The following ZNF385D variants were observed in gnomAD, a reference collection of about 807,000 sequenced individuals.
The protein encoded by ZNF385D is zinc finger protein 385D.
ZNF385D carries 15 observed loss-of-function variants against 35.8 expected under a neutral mutation model. The ratio of observed to expected loss-of-function variants is 0.42; its 90% CI spans 0.28 to 0.64. ZNF385D has a LOEUF of 0.64. Ranked by LOEUF, ZNF385D falls within the 30% of genes least tolerant of loss-of-function variation. The pLI is 0.23. For synonymous variants in ZNF385D, 212 were observed against 186.8 expected (o/e 1.13, Z -1.10); for missense variants, 474 against 494.6 (o/e 0.96, Z 0.39).
chr3:21,592,677 C>A lies in ZNF385D; in HGVS notation c.166-27993G>T, dbSNP rs144673179. ...TTTGCTCAAACTCCCATTCTCAAAT[C>A]AGATCGTTTAGAGGAGAAAGGAATG... On this transcript the variant is annotated intron_variant, in intron 2 of 7. Coordinates refer to ENST00000281523, the MANE Select transcript of ZNF385D (RefSeq NM_024697.3). Among the ~76,000 whole-genome samples, 572 of 152,138 alleles carry A rather than the reference C, an allele frequency of 3.8e-3. 6 individuals are homozygous for A. Among genetic ancestry groups the A allele is most frequent in the African/African-American group, 0.013 (524 of 41,516 alleles).
At chr3:22,349,474 C>T (rs1053479715) in intron 2 of ZNF385D, among the ~76,000 whole-genome samples, 1 of 152,104 alleles carries the variant, frequency 6.6e-6, no homozygotes, top group African/African-American at 2.4e-5. Flanking sequence ...TAAATGTACA[C>T]TGGTGATATC....
At chr3:21,839,560 A>G (rs1559677510) in intron 3 of ZNF385D, among the ~76,000 whole-genome samples, 4 of 152,140 alleles carry the variant, frequency 2.6e-5, no homozygotes, top group African/African-American at 9.7e-5. Flanking sequence ...AAGAGAGGCT[A>G]GCTTTTTCTA....
intron 3 of ZNF385D, among the ~76,000 whole-genome samples, chr3:21,548,789 T>G (rs1458061562): frequency 4.6e-5 from 7 of 152,182 alleles, no homozygotes; most frequent in Non-Finnish European, 1.5e-5. Flanking sequence ...CTAGGGCATG[T>G]CCCCTGATAT....
chr3:21,787,991 G>GAC (rs2071771893), intron 3 of ZNF385D, among the ~76,000 whole-genome samples: 4 of 122,182 alleles, frequency 3.3e-5, no homozygotes, highest in Admixed American at 8.9e-5. Context: ...AAGAGAGAGA[G>GAC]AGAGCAATAG....
chr3:21,714,567 C>G (rs1398162875), intron 1 of ZNF385D, among the ~76,000 whole-genome samples: 1 of 152,220 alleles, frequency 6.6e-6, no homozygotes, highest in African/African-American at 2.4e-5. Context: ...AGCCTGAACA[C>G]AGACACCACT....
chr3:21,456,103 T>A (rs1350340588), intron 4 of ZNF385D, among the ~76,000 whole-genome samples: 3 of 152,118 alleles, frequency 2.0e-5, no homozygotes, highest in Non-Finnish European at 4.4e-5. Context: ...CTGGAGAGGA[T>A]GTGGAGAAAT....
chr3:22,089,145 T>A (rs1470502977), intron 3 of ZNF385D, among the ~76,000 whole-genome samples: 1 of 152,186 alleles, frequency 6.6e-6, no homozygotes, highest in Non-Finnish European at 1.5e-5. Context: ...ATATTTACAA[T>A]GTTCAAAGAG....
At position 21,418,441 on chromosome 3, in the gene ZNF385D, T is replaced by C. The variant is rs1480194507; in HGVS notation, c.*2773A>G. The C allele has an allele frequency of 1.1e-4, 17 of 152,192 alleles. No homozygotes were observed. The highest frequency in any genetic ancestry group is 1.1e-3 in the Admixed American group (17 of 15,280). 9.4% of individuals were successfully genotyped at this position (152,192 alleles called of 1,614,324 possible). A position where few individuals can be genotyped will look rare whatever the true frequency, so the allele number is the denominator to read the frequency against. ...CTGTAAGTTCTGTGGTTAGGCTTCA[T>C]CCTTTATTAGGTAGTGAATAAAAGA... On this transcript the variant is annotated 3_prime_UTR_variant, in exon 8 of 8. Transcript: ENST00000281523.
chr3:21,711,986 T>C (rs1041333563), intron 1 of ZNF385D, among the ~76,000 whole-genome samples: 2 of 152,358 alleles, frequency 1.3e-5, no homozygotes, highest in Admixed American at 6.5e-5. Context: ...TAATATCCTA[T>C]AGCTGATTAT....
chr3:22,166,727 C>T (rs1318821355), intron 3 of ZNF385D, among the ~76,000 whole-genome samples: 1 of 152,172 alleles, frequency 6.6e-6, no homozygotes, highest in Admixed American at 6.5e-5. Flanking sequence ...TTTGGCTATT[C>T]TAAATTATGC....
At chr3:21,992,092 G>T (rs895421570) in intron 3 of ZNF385D, among the ~76,000 whole-genome samples, 13 of 152,176 alleles carry the variant, frequency 8.5e-5, no homozygotes, top group Non-Finnish European at 1.5e-4. Context: ...GTTAAGCTAT[G>T]TGTAAATGTA....
intron 2 of ZNF385D, among the ~76,000 whole-genome samples, chr3:22,216,072 C>T (rs1697864091): frequency 6.6e-6 from 1 of 151,970 alleles, no homozygotes. Context: ...TCCCTACTGA[C>T]TTCTTCTCCC....
At chr3:21,911,023 G>C (rs1346167764) in intron 3 of ZNF385D, among the ~76,000 whole-genome samples, 2 of 151,822 alleles carry the variant, frequency 1.3e-5, no homozygotes, top group African/African-American at 4.8e-5. Context: ...GGTTGCATTG[G>C]TGCTGATATG....
At chr3:21,757,915 T>C (rs778358458) in intron 3 of ZNF385D, among the ~76,000 whole-genome samples, 4 of 152,170 alleles carry the variant, frequency 2.6e-5, no homozygotes, top group Non-Finnish European at 4.4e-5. Flanking sequence ...GCCATAAATA[T>C]ATGTTGAGTG....
intron 3 of ZNF385D, among the ~76,000 whole-genome samples, chr3:22,039,157 A>G (rs1272538128): frequency 1.3e-5 from 2 of 150,324 alleles, no homozygotes; most frequent in Non-Finnish European, 3.0e-5. Flanking sequence ...GTAGCAAAAA[A>G]CCTCTAAGGA....
At chr3:21,755,850 A>C (rs2070315649), upstream of ZNF385D, among the ~76,000 whole-genome samples, 1 of 152,186 alleles carries the variant, frequency 6.6e-6, no homozygotes, top group Non-Finnish European at 1.5e-5. Context: ...TGCTGGATGA[A>C]GAACGCTGCA....
At chr3:21,598,757 A>C (rs1240033123) in intron 2 of ZNF385D, among the ~76,000 whole-genome samples, 1 of 152,218 alleles carries the variant, frequency 6.6e-6, no homozygotes, top group Non-Finnish European at 1.5e-5. Flanking sequence ...TGGGAATGCT[A>C]ATTTCTAACA....
At chr3:21,776,524 T>C (rs929674430) in intron 3 of ZNF385D, among the ~76,000 whole-genome samples, 3 of 151,988 alleles carry the variant, frequency 2.0e-5, no homozygotes, top group African/African-American at 7.2e-5. Context: ...ATCATTCTTT[T>C]ATTAAGATAA....
chr3:21,853,726 A>C (rs1271956297), intron 3 of ZNF385D, among the ~76,000 whole-genome samples: 1 of 151,844 alleles, frequency 6.6e-6, no homozygotes, highest in Non-Finnish European at 1.5e-5. Context: ...ACGATGAGTG[A>C]ATTTCCTCAT....
Sources: gnomAD v4.1 joint callset for allele counts (sites outside exome capture counted in the v4.1 genomes callset) on GRCh38, gnomAD v4.1.1 for gene constraint, MANE v1.5 for transcripts, NCBI Gene and HGNC (gene_info 2026-07-23, HGNC 2026-07-21) for gene names.